The following IL1RL2 variants were observed in gnomAD, a reference collection of about 807,000 sequenced individuals.
The protein encoded by IL1RL2 is interleukin-1 receptor-like 2.
In IL1RL2, 68 loss-of-function variants were observed where a neutral mutation model predicts 66.8. That is an observed-to-expected ratio of 1.02 (90% CI 0.84 to 1.25). The LOEUF (loss-of-function observed/expected upper bound fraction) is 1.25. Ranked by LOEUF, IL1RL2 falls within the 50% of genes most tolerant of loss-of-function variation. The pLI, the probability that IL1RL2 is intolerant of heterozygous loss-of-function variation, is 0.00. For synonymous variants in IL1RL2, 305 were observed against 264.6 expected (o/e 1.15, Z -1.48); for missense variants, 729 against 709.3 (o/e 1.03, Z -0.32).
At chr2:102,221,980 G>A (rs1690179904) in intron 8 of IL1RL2, among the ~76,000 whole-genome samples, 1 of 151,774 alleles carries the variant, frequency 6.6e-6, no homozygotes, top group East Asian at 2.0e-4. Context: ...TAAGAAAAAT[G>A]CATTGCCTGA....
At chr2:102,219,324 G>A (rs758158538) in intron 7 of IL1RL2, among the ~76,000 whole-genome samples, 3 of 152,146 alleles carry the variant, frequency 2.0e-5, no homozygotes, top group African/African-American at 7.2e-5. Flanking sequence ...TATATCATGA[G>A]CCATCGGCCT....
rs1394302026 is a variant in IL1RL2 at position 102,190,601 on chromosome 2, A to G, written c.293+1291A>G. Among the ~76,000 whole-genome samples the G allele has an allele frequency of 3.3e-5, 5 of 152,202 alleles. No individual in the cohort carries two copies. In the South Asian group the frequency reaches 6.2e-4, roughly 19 times the overall value. On this transcript the variant is annotated intron_variant, in intron 3 of 11. Coordinates refer to ENST00000264257, the MANE Select transcript of IL1RL2 (RefSeq NM_003854.4). Reference sequence around the variant, plus strand: ...CAGACAGACTAAATGCACAAAATTGAGTGGTTCACAAGTGGAAGTGGTCGT... The same window carrying G: ...CAGACAGACTAAATGCACAAAATTGGGTGGTTCACAAGTGGAAGTGGTCGT...
At chr2:102,199,360 A>C (rs762600157) in intron 4 of IL1RL2, among the ~76,000 whole-genome samples, 5 of 152,170 alleles carry the variant, frequency 3.3e-5, no homozygotes, top group Admixed American at 6.5e-5. Flanking sequence ...AGGTCTCCTG[A>C]CTGCCTCACC....
chr2:102,237,716 A>T (rs1675004212), intron 11 of IL1RL2, among the ~76,000 whole-genome samples: 1 of 150,528 alleles, frequency 6.6e-6, no homozygotes, highest in East Asian at 1.9e-4. Context: ...AAGAATACAA[A>T]TAATTGAAGT....
downstream of IL1RL2, among the ~76,000 whole-genome samples, chr2:102,240,683 C>T (rs1343455605): frequency 3.9e-5 from 6 of 152,120 alleles, no homozygotes; most frequent in Admixed American, 2.6e-4. Context: ...GCTGCTGGTC[C>T]CCCTGTCAAT....
At chr2:102,216,888 T>A (rs894449620) in intron 6 of IL1RL2, among the ~76,000 whole-genome samples, 3 of 152,210 alleles carry the variant, frequency 2.0e-5, no homozygotes, top group Non-Finnish European at 4.4e-5. Context: ...TATACTTTTG[T>A]TGCCTTAATT....
chr2:102,212,064 A>C, intron 5 of IL1RL2, 36 bp from the exon 6 acceptor site: 1 of 1,492,960 alleles, frequency 6.7e-7, no homozygotes, highest in African/African-American at 1.4e-5. Context: ...ATCATACGTG[A>C]TTCTAATGCA....
At chr2:102,191,118 T>G (rs189175897) in intron 3 of IL1RL2, among the ~76,000 whole-genome samples, 466 of 152,278 alleles carry the variant, frequency 3.1e-3, no homozygotes, top group African/African-American at 0.011. Context: ...ATATATGATA[T>G]AAATTACAAA....
intron 9 of IL1RL2, 70 bp downstream of exon 9, chr2:102,226,111 A>T: frequency 7.9e-7 from 1 of 1,262,166 alleles, no homozygotes; most frequent in South Asian, 2.0e-5. Flanking sequence ...ACGATTTCAA[A>T]TATACTTTGT....
chr2:102,225,245 T>G (rs1224244552), intron 8 of IL1RL2, among the ~76,000 whole-genome samples: 1 of 152,210 alleles, frequency 6.6e-6, no homozygotes, highest in Admixed American at 6.5e-5. Flanking sequence ...CTCTGCAATG[T>G]ACTCATGAAA....
intron 3 of IL1RL2, among the ~76,000 whole-genome samples, chr2:102,190,171 T>C (rs1687110269): frequency 6.6e-6 from 1 of 152,172 alleles, no homozygotes; most frequent in South Asian, 2.1e-4. Context: ...CCCTCAAAGG[T>C]AGCTGTCTAT....
At chr2:102,224,064 T>C (rs1690382252) in intron 8 of IL1RL2, among the ~76,000 whole-genome samples, 1 of 152,204 alleles carries the variant, frequency 6.6e-6, no homozygotes, top group South Asian at 2.1e-4. Flanking sequence ...TGAGAAATCT[T>C]GGGCCTCAAG....
chr2:102,218,311 AAAG>A (rs1273091245), intron 6 of IL1RL2, among the ~76,000 whole-genome samples: 1 of 152,208 alleles, frequency 6.6e-6, no homozygotes, highest in Non-Finnish European at 1.5e-5. Context: ...CATTTAGAAT[AAAG>A]AACACTCCTT....
chr2:102,240,663 A>G (rs1675205616), downstream of IL1RL2, among the ~76,000 whole-genome samples: 1 of 152,212 alleles, frequency 6.6e-6, no homozygotes, highest in Non-Finnish European at 1.5e-5. Flanking sequence ...TGGAGAGCTC[A>G]GCCTCTCAGG....
intron 6 of IL1RL2, among the ~76,000 whole-genome samples, chr2:102,213,006 T>C (rs1689310758): frequency 6.6e-6 from 1 of 151,826 alleles, no homozygotes; most frequent in South Asian, 2.1e-4. Context: ...AAATCACTAG[T>C]AAAATAAATA....
intron 9 of IL1RL2, among the ~76,000 whole-genome samples, chr2:102,232,137 G>A (rs1196508790): frequency 1.3e-5 from 2 of 149,672 alleles, no homozygotes; most frequent in Admixed American, 6.7e-5. Flanking sequence ...CCGAGACAGA[G>A]TTTTGCTCTT....
chr2:102,194,399 G>T (rs963816092), intron 4 of IL1RL2, among the ~76,000 whole-genome samples: 1 of 152,058 alleles, frequency 6.6e-6, no homozygotes, highest in Non-Finnish European at 1.5e-5. Context: ...AATCAAAGCT[G>T]GTATGAACAC....
At chr2:102,229,147 A>G (rs1690902507) in intron 9 of IL1RL2, among the ~76,000 whole-genome samples, 2 of 152,242 alleles carry the variant, frequency 1.3e-5, no homozygotes, top group South Asian at 4.1e-4. Flanking sequence ...TAGGGAATTG[A>G]ATAATCTTTA....
rs1261394440 is a variant in IL1RL2 at position 102,226,061 on chromosome 2, GA to G, written c.1135+25del. The G allele has an allele frequency of 6.5e-7, 1 of 1,545,506 alleles. No homozygotes were observed. The highest frequency in any genetic ancestry group is 8.7e-7 in the Non-Finnish European group (1 of 1,148,808). On this transcript the variant is annotated intron_variant, in intron 9 of 11. Transcript: ENST00000264257. ...TAGTAGGTAAGTGTGTGTAATCACT[GA>G]AAAATGCCTCAAAATTGGTATCCTC...
Sources: gnomAD v4.1 joint callset for allele counts (sites outside exome capture counted in the v4.1 genomes callset) on GRCh38, gnomAD v4.1.1 for gene constraint, MANE v1.5 for transcripts, NCBI Gene and HGNC (gene_info 2026-07-23, HGNC 2026-07-21) for gene names.